The following ZPBP variants were observed in gnomAD, a reference collection of about 807,000 sequenced individuals.
ZPBP encodes the protein zona pellucida binding protein, also known as zona pellucida-binding protein 1.
ZPBP carries 26 observed loss-of-function variants against 44.8 expected under a neutral mutation model. That is an observed-to-expected ratio of 0.58 (90% CI 0.43 to 0.81). The LOEUF is 0.81. ZPBP is among the 30% of genes least tolerant of loss of function. ZPBP has a pLI of 0.00. For synonymous variants in ZPBP, 174 were observed against 153.2 expected (o/e 1.14, Z -1.00); for missense variants, 409 against 434.0 (o/e 0.94, Z 0.51).
chr7:50,072,942 T>C (rs1300089094), intron 3 of ZPBP, among the ~76,000 whole-genome samples: 1 of 152,086 alleles, frequency 6.6e-6, no homozygotes, highest in Non-Finnish European at 1.5e-5. Flanking sequence ...CCAAGAAGAA[T>C]GGCTACAAAT....
At chr7:49,981,290 A>C (rs1355506284) in intron 7 of ZPBP, among the ~76,000 whole-genome samples, 1 of 60,324 alleles carries the variant, frequency 1.7e-5, no homozygotes, top group African/African-American at 5.1e-5. Context: ...ATATTATATA[A>C]TATATATTAT....
chr7:50,014,664 C>T (rs1240134503), intron 6 of ZPBP, among the ~76,000 whole-genome samples: 1 of 151,612 alleles, frequency 6.6e-6, no homozygotes, highest in African/African-American at 2.4e-5. Flanking sequence ...GGGGTTTCTC[C>T]ATGTTGGGCA....
intron 2 of ZPBP, among the ~76,000 whole-genome samples, chr7:49,856,929 A>T (rs1182501021): frequency 1.4e-5 from 2 of 140,102 alleles, no homozygotes; most frequent in African/African-American, 2.7e-5. Flanking sequence ...GAATGGTGTG[A>T]ACCTGGGGAG....
At chr7:50,071,626 G>A (rs117694037) in intron 3 of ZPBP, among the ~76,000 whole-genome samples, 1 of 152,204 alleles carries the variant, frequency 6.6e-6, no homozygotes, top group Non-Finnish European at 1.5e-5. Context: ...TCCACCTGAG[G>A]AGAGGAAAGG....
intron 2 of ZPBP, among the ~76,000 whole-genome samples, chr7:49,892,325 C>T (rs1234035706): frequency 1.3e-5 from 2 of 151,938 alleles, no homozygotes; most frequent in Admixed American, 1.3e-4. Flanking sequence ...GGATTACAAG[C>T]GTGAGCCACC....
At chr7:49,850,799 C>T (rs970167421) in intron 2 of ZPBP, among the ~76,000 whole-genome samples, 3 of 152,182 alleles carry the variant, frequency 2.0e-5, no homozygotes, top group Admixed American at 6.5e-5. Context: ...CAGTGAGCTC[C>T]GTGTATTTAC....
chr7:50,076,583 T>C (rs1802093226), intron 3 of ZPBP, among the ~76,000 whole-genome samples: 1 of 151,700 alleles, frequency 6.6e-6, no homozygotes, highest in Admixed American at 6.6e-5. Flanking sequence ...CATACAAAAA[T>C]CAGTAGCATT....
At chr7:49,970,624 C>A (rs951386650) in intron 7 of ZPBP, among the ~76,000 whole-genome samples, 2 of 150,808 alleles carry the variant, frequency 1.3e-5, no homozygotes, top group Non-Finnish European at 3.0e-5. Flanking sequence ...CCAGTCAGAG[C>A]AGAATAAAGC....
intron 3 of ZPBP, among the ~76,000 whole-genome samples, chr7:50,064,176 C>T (rs545833393): frequency 6.6e-6 from 1 of 152,220 alleles, no homozygotes; most frequent in African/African-American, 2.4e-5. Flanking sequence ...ATCCGTGATG[C>T]CCCACAAGCC....
intron 2 of ZPBP, among the ~76,000 whole-genome samples, chr7:49,865,511 T>C (rs1364364853): frequency 6.6e-6 from 1 of 152,224 alleles, no homozygotes; most frequent in Non-Finnish European, 1.5e-5. Flanking sequence ...TGGTGTGGTC[T>C]CTGGCAATGT....
At chr7:49,884,649 A>T (rs949089961) in intron 2 of ZPBP, among the ~76,000 whole-genome samples, 2 of 152,166 alleles carry the variant, frequency 1.3e-5, no homozygotes, top group African/African-American at 4.8e-5. Context: ...AGGACAGTTG[A>T]GCTGGTTTCC....
intron 7 of ZPBP, among the ~76,000 whole-genome samples, chr7:49,958,717 C>T (rs1200351456): frequency 6.6e-6 from 1 of 152,186 alleles, no homozygotes; most frequent in East Asian, 1.9e-4. Context: ...CAGACTAAGA[C>T]AGTGCTTTAT....
At chr7:49,972,322 C>CT (rs1450515257) in intron 7 of ZPBP, among the ~76,000 whole-genome samples, 5 of 151,888 alleles carry the variant, frequency 3.3e-5, no homozygotes, top group Admixed American at 6.6e-5. Flanking sequence ...ATGACATTAT[C>CT]TTTTTTGTAT....
At chr7:49,871,502 G>A (rs926789704) in intron 2 of ZPBP, among the ~76,000 whole-genome samples, 7 of 152,160 alleles carry the variant, frequency 4.6e-5, no homozygotes, top group Non-Finnish European at 4.4e-5. Context: ...TTACAGATGA[G>A]TTGGCTTGGT....
At chr7:49,999,319 T>C (rs1319767417) in intron 6 of ZPBP, among the ~76,000 whole-genome samples, 1 of 151,526 alleles carries the variant, frequency 6.6e-6, no homozygotes, top group Non-Finnish European at 1.5e-5. Flanking sequence ...GGTGGTGTTA[T>C]AATTTTTGCT....
chr7:49,928,523 T>C (rs1044327684), intron 1 of ZPBP, among the ~76,000 whole-genome samples: 1 of 152,244 alleles, frequency 6.6e-6, no homozygotes, highest in African/African-American at 2.4e-5. Context: ...TGGGTAGGGC[T>C]GTCTACTTGT....
At chr7:49,843,952 C>T in the ZPBP span, among the ~76,000 whole-genome samples, 1 of 152,162 alleles carries the variant, frequency 6.6e-6, no homozygotes, top group Non-Finnish European at 1.5e-5. Context: ...AGTTAGGACT[C>T]ATTCTATTAC....
At chr7:49,981,232 T>C (rs1796856285) in intron 7 of ZPBP, among the ~76,000 whole-genome samples, 3 of 103,618 alleles carry the variant, frequency 2.9e-5, no homozygotes, top group South Asian at 5.6e-4. Flanking sequence ...TATATACAAA[T>C]TGTAAATATT....
chr7:49,888,697 G>A (rs914211631), intron 2 of ZPBP, among the ~76,000 whole-genome samples: 2 of 152,054 alleles, frequency 1.3e-5, no homozygotes, highest in South Asian at 4.2e-4. Flanking sequence ...GATCACCTGC[G>A]GTCAGGAGTT....
Sources: allele counts gnomAD v4.1 joint callset (sites outside exome capture counted in the v4.1 genomes callset), GRCh38; gene constraint gnomAD v4.1.1; transcripts MANE v1.5; gene names NCBI Gene and HGNC (gene_info 2026-07-23, HGNC 2026-07-21).